Variants in LAMA2 observed in about 807,000 individuals in gnomAD.
The protein encoded by LAMA2 is laminin subunit alpha-2.
In LAMA2, 269 loss-of-function variants were observed where a neutral mutation model predicts 364.8. The ratio of observed to expected loss-of-function variants is 0.74; its 90% CI spans 0.67 to 0.82. The LOEUF is 0.82. Ranked by LOEUF, LAMA2 falls within the 40% of genes least tolerant of loss-of-function variation. LAMA2 has a pLI of 0.00. For synonymous variants in LAMA2, 1,379 were observed against 1,370.6 expected, an observed-to-expected ratio of 1.01 and a Z score of -0.14; for missense variants, 3,807 against 3,873.2, an observed-to-expected ratio of 0.98 and a Z score of 0.45.
At chr6:129,349,960 A>G (rs1163238556) in intron 31 of LAMA2, among the ~76,000 whole-genome samples, 2 of 152,196 alleles carry the variant, frequency 1.3e-5, no homozygotes, top group Admixed American at 6.5e-5. Context: ...CATATTGCTT[A>G]TGAAATCTCA....
chr6:129,101,757 G>A (rs553878267), intron 4 of LAMA2, among the ~76,000 whole-genome samples: 24 of 152,322 alleles, frequency 1.6e-4, no homozygotes, highest in Non-Finnish European at 2.8e-4. Flanking sequence ...GTTGGGCAAT[G>A]CTACTTTAGA....
chr6:129,445,923 T>C, intron 45 of LAMA2, 102 bp downstream of exon 45: 1 of 1,189,744 alleles, frequency 8.4e-7, no homozygotes, highest in Non-Finnish European at 1.2e-6. Context: ...TGATCTTGGG[T>C]CCTTTTCCTT....
At chr6:128,929,118 G>T in intron 1 of LAMA2, 1 of 1,441,152 alleles carries the variant, frequency 6.9e-7, no homozygotes, top group Non-Finnish European at 9.8e-7. Context: ...TTCCCGTACA[G>T]ATCCAAAAAC....
chr6:129,320,582 C>A lies in LAMA2; in HGVS notation c.4103C>A (p.Thr1368Lys). Residue 1368 changes from threonine (T) to lysine (K), a missense_variant, in exon 28 of 65, where the codon ACA becomes AAA. By Grantham distance (78) the Thr-to-Lys change is moderately conservative. Coordinates refer to ENST00000421865, the MANE Select transcript of LAMA2 (RefSeq NM_000426.4). Reference protein sequence around the residue: ...SMEVAEQGRGTTMTPPADLIE... With the variant: ...SMEVAEQGRGKTMTPPADLIE... The stretch of plus-strand genomic sequence containing the variant: ...GAGGTAGCTGAACAAGGACGTGGAA[C>A]AACAATGACTCCTCCAGCTGACTTG... 6.2e-7 allele frequency: 1 copy of A among 1,613,546 alleles called. No individual in the cohort carries two copies. Among genetic ancestry groups the A allele is most frequent in the Non-Finnish European group, 8.5e-7 (1 of 1,179,554 alleles).
chr6:129,410,776 G>A (rs562535369), intron 40 of LAMA2, among the ~76,000 whole-genome samples: 5 of 152,200 alleles, frequency 3.3e-5, no homozygotes, highest in East Asian at 1.9e-4. Context: ...ATGATAGACA[G>A]AAAGAATAAG....
chr6:129,055,173 TTATTTATTA>T (rs1046682344), intron 2 of LAMA2, among the ~76,000 whole-genome samples: 15 of 98,012 alleles, frequency 1.5e-4, no homozygotes, highest in African/African-American at 8.4e-4. Context: ...TACATTATTA[TTATTTATTA>T]TTATTATTAT....
Position 129,445,829 on chromosome 6 carries a change from C to A in LAMA2, c.6429+8C>A, listed in dbSNP as rs199773264. 3.9e-4 allele frequency: 627 copies of A among 1,609,684 alleles called. 4 individuals are homozygous for A. The African/African-American group carries it at 7.3e-3, about 19-fold the overall frequency. ...CGGAAACAAGCCAATTCTGTAAGTT[C>A]TTTTTATCGTCAGTATCAGTAACTG... On this transcript the variant is annotated splice_region_variant and intron_variant, in intron 45 of 64. Coordinates refer to ENST00000421865, the MANE Select transcript of LAMA2 (RefSeq NM_000426.4).
chr6:129,267,010 C>T, intron 15 of LAMA2, 96 bp from the exon 16 acceptor site: 1 of 812,932 alleles, frequency 1.2e-6, no homozygotes, highest in South Asian at 1.3e-5. Flanking sequence ...AGTTTCCTAC[C>T]TGTTATTTTC....
chr6:129,246,037 A>G (rs1263042391), intron 12 of LAMA2, among the ~76,000 whole-genome samples: 2 of 152,212 alleles, frequency 1.3e-5, no homozygotes, highest in Non-Finnish European at 2.9e-5. Flanking sequence ...AACTTAATAA[A>G]TATTCATGTT....
intron 12 of LAMA2, among the ~76,000 whole-genome samples, chr6:129,248,000 TAC>T (rs1313330619): frequency 6.6e-6 from 1 of 152,202 alleles, no homozygotes; most frequent in African/African-American, 2.4e-5. Flanking sequence ...TCCCGGGCTA[TAC>T]AGGTCTGTGG....
intron 38 of LAMA2, 79 bp from the exon 39 acceptor site, chr6:129,402,245 T>G: frequency 9.4e-7 from 1 of 1,060,882 alleles, no homozygotes. Context: ...AAACGTGTAG[T>G]TATGTCTCAT....
chr6:128,947,565 C>T (rs1171744204), intron 1 of LAMA2, among the ~76,000 whole-genome samples: 2 of 152,116 alleles, frequency 1.3e-5, no homozygotes, highest in Non-Finnish European at 2.9e-5. Flanking sequence ...ATGAGGTTAA[C>T]AAGTTTTATC....
chr6:129,488,483 T>A (rs1439486604), intron 56 of LAMA2, among the ~76,000 whole-genome samples: 1 of 152,136 alleles, frequency 6.6e-6, no homozygotes, highest in Non-Finnish European at 1.5e-5. Flanking sequence ...TATGTCCTTT[T>A]AACAGGTGCT....
At chr6:128,944,979 G>A (rs1265839695) in intron 1 of LAMA2, among the ~76,000 whole-genome samples, 1 of 152,096 alleles carries the variant, frequency 6.6e-6, no homozygotes, top group Non-Finnish European at 1.5e-5. Context: ...TTCAATACGA[G>A]ATTTGGGTAG....
chr6:128,912,214 A>G (rs1778014751), intron 1 of LAMA2, among the ~76,000 whole-genome samples: 1 of 152,198 alleles, frequency 6.6e-6, no homozygotes, highest in Non-Finnish European at 1.5e-5. Context: ...TAATAGACAA[A>G]TTGTTTTCTA....
intron 40 of LAMA2, among the ~76,000 whole-genome samples, chr6:129,409,185 G>A (rs1042903884): frequency 2.6e-4 from 40 of 152,210 alleles, no homozygotes; most frequent in Admixed American, 7.2e-4. Flanking sequence ...CTGTCCTTCA[G>A]GGATGTCCTA....
At chr6:129,076,499 A>ATATATTATATATAT (rs56673184) in intron 3 of LAMA2, among the ~76,000 whole-genome samples, 3 of 12,208 alleles carry the variant, frequency 2.5e-4, no homozygotes, top group Non-Finnish European at 7.9e-4. Flanking sequence ...TATTATATAT[A>ATATATTATATATAT]AATATATATA....
intron 34 of LAMA2, among the ~76,000 whole-genome samples, chr6:129,375,437 C>T (rs1020191425): frequency 6.6e-6 from 1 of 152,166 alleles, no homozygotes. Context: ...TCCACTGCTG[C>T]CTGGATTTTC....
At chr6:129,252,895 T>C (rs1786367687) in intron 14 of LAMA2, among the ~76,000 whole-genome samples, 1 of 152,228 alleles carries the variant, frequency 6.6e-6, no homozygotes, top group African/African-American at 2.4e-5. Flanking sequence ...GGCAAGTGAT[T>C]AAGCCTTGAG....
Sources: gnomAD v4.1 joint callset for allele counts (sites outside exome capture counted in the v4.1 genomes callset) on GRCh38, gnomAD v4.1.1 for gene constraint, MANE v1.5 for transcripts, NCBI Gene and HGNC (gene_info 2026-07-23, HGNC 2026-07-21) for gene names.